Variants in EMSY observed in about 807,000 individuals in gnomAD.
The protein encoded by EMSY is BRCA2-interacting transcriptional repressor EMSY.
Under a neutral mutation model 134.6 loss-of-function variants are expected in EMSY, and 26 were observed. That is an observed-to-expected ratio of 0.19 (90% confidence interval 0.14 to 0.27). The LOEUF (loss-of-function observed/expected upper bound fraction) is 0.27. EMSY is among the 10% of genes least tolerant of loss of function. The pLI is 1.00. For synonymous variants in EMSY, 579 were observed against 577.8 expected (o/e 1.00, Z -0.03); for missense variants, 1,305 against 1,611.4 (o/e 0.81, Z 3.26).
intron 9 of EMSY, among the ~76,000 whole-genome samples, chr11:76,506,928 T>C (rs984293651): frequency 1.3e-5 from 2 of 152,164 alleles, no homozygotes; most frequent in African/African-American, 4.8e-5. Flanking sequence ...AAAGAAAGAC[T>C]GGAAACAACC....
exon 6 of EMSY, chr11:76,460,037 G>GCCT (rs1210800307): frequency 1.9e-6 from 3 of 1,614,162 alleles, no homozygotes; most frequent in Non-Finnish European, 2.5e-6. Context: ...TGCCAGTCCT[G>GCCT]CCTCCAATGT....
chr11:76,472,676 C>A, exon 8 of EMSY: 4 of 1,614,162 alleles, frequency 2.5e-6, no homozygotes, highest in Non-Finnish European at 3.4e-6. Flanking sequence ...ATTGCTTCTA[C>A]AACCCAGAAG....
chr11:76,523,869 A>G (rs1950747094), intron 12 of EMSY, among the ~76,000 whole-genome samples: 1 of 151,122 alleles, frequency 6.6e-6, no homozygotes, highest in Non-Finnish European at 1.5e-5. Context: ...ACAAAGCAAG[A>G]CCCCCACCTC....
intron 9 of EMSY, among the ~76,000 whole-genome samples, chr11:76,509,266 G>C (rs949063036): frequency 6.6e-6 from 1 of 152,174 alleles, no homozygotes; most frequent in African/African-American, 2.4e-5. Context: ...GCCAAGGAGT[G>C]CAGATCACCG....
At chr11:76,490,476 A>C (rs1949373913) in intron 8 of EMSY, among the ~76,000 whole-genome samples, 1 of 152,244 alleles carries the variant, frequency 6.6e-6, no homozygotes, top group African/African-American at 2.4e-5. Context: ...CTAGCTTTAG[A>C]GCTTACAGTA....
intron 1 of EMSY, among the ~76,000 whole-genome samples, chr11:76,445,471 G>A (rs1167686207): frequency 6.6e-6 from 1 of 152,202 alleles, no homozygotes; most frequent in African/African-American, 2.4e-5. Context: ...GAGGGGCTTG[G>A]GTCGTGGACT....
intron 9 of EMSY, among the ~76,000 whole-genome samples, chr11:76,513,153 TTTTC>T (rs1409648141): frequency 1.3e-5 from 2 of 152,170 alleles, no homozygotes; most frequent in Non-Finnish European, 2.9e-5. Flanking sequence ...AAAGATTTGT[TTTTC>T]TTTATGAAGT....
chr11:76,493,414 G>A (rs1298143537), intron 8 of EMSY, among the ~76,000 whole-genome samples: 2 of 152,170 alleles, frequency 1.3e-5, no homozygotes, highest in Non-Finnish European at 2.9e-5. Context: ...TCCCGGTGAG[G>A]TCCCACCCTC....
intron 11 of EMSY, among the ~76,000 whole-genome samples, chr11:76,518,858 T>TTGTGTGTGTGTGTG (rs10691630): frequency 7.0e-6 from 1 of 143,094 alleles, no homozygotes; most frequent in Admixed American, 7.0e-5. Flanking sequence ...ATAGGCTGTC[T>TTGTGTGTGTGTGTG]TGTGTGTGTG....
Position 76,446,334 on chromosome 11 carries a change from T to C in EMSY, c.-39-566T>C, listed in dbSNP as rs551313161. On this transcript the variant is annotated intron_variant, in intron 1 of 20. Coordinates refer to ENST00000334736, the Ensembl canonical transcript of EMSY. Reference sequence around the variant, plus strand: ...ATATGTGTGTGTGTGTATATATATATGTATATATATATGTGTATATATATA... The same window carrying C: ...ATATGTGTGTGTGTGTATATATATACGTATATATATATGTGTATATATATA... Among the ~76,000 whole-genome samples, 8 of 53,106 alleles carry C rather than the reference T, an allele frequency of 1.5e-4. No individual in the cohort carries two copies. In the East Asian group the frequency reaches 3.7e-3, roughly 25 times the overall value. 34.8% of individuals were successfully genotyped at this position (53,106 alleles called of 152,430 possible).
Position 76,514,875 on chromosome 11 carries a change from A to G in EMSY, c.1514-1267A>G, listed in dbSNP as rs1176225436. The stretch of plus-strand genomic sequence containing the variant: ...ACTTCCCCTAAACTTTTCTAAATAG[A>G]TAACAGTGTTATGCATATATGATTC... On this transcript the variant is annotated intron_variant, in intron 10 of 20. Transcript: ENST00000334736. 3.3e-5 allele frequency among the ~76,000 whole-genome samples: 5 copies of G among 152,178 alleles called. No homozygotes were observed. The East Asian group carries it at 9.6e-4, about 29-fold the overall frequency.
At chr11:76,468,072 C>T (rs11606394) in intron 7 of EMSY, among the ~76,000 whole-genome samples, 61,081 of 151,460 alleles carry the variant, frequency 0.4, 12,697 homozygotes, top group South Asian at 0.51. Flanking sequence ...CAGTCTTCTT[C>T]GGTGGACTTA....
intron 8 of EMSY, among the ~76,000 whole-genome samples, chr11:76,488,702 G>T (rs574172693): frequency 2.0e-5 from 3 of 152,280 alleles, no homozygotes; most frequent in South Asian, 2.1e-4. Flanking sequence ...AAAACCAGAA[G>T]TCCAGAAGGG....
chr11:76,534,322 A>G (rs1351671266), intron 14 of EMSY, among the ~76,000 whole-genome samples: 1 of 152,156 alleles, frequency 6.6e-6, no homozygotes, highest in Non-Finnish European at 1.5e-5. Flanking sequence ...TAAATTCTAC[A>G]TATCTACTTA....
intron 13 of EMSY, among the ~76,000 whole-genome samples, chr11:76,526,903 A>G (rs981538532): frequency 2.0e-5 from 3 of 152,140 alleles, no homozygotes; most frequent in African/African-American, 4.8e-5. Context: ...CTGAAGGTGT[A>G]TTTTGTGATT....
At chr11:76,524,263 A>C (rs981594387) in intron 12 of EMSY, among the ~76,000 whole-genome samples, 1 of 152,096 alleles carries the variant, frequency 6.6e-6, no homozygotes, top group Non-Finnish European at 1.5e-5. Context: ...ACTGGTAGCT[A>C]TTGTGAAAGT....
intron 8 of EMSY, among the ~76,000 whole-genome samples, chr11:76,492,730 C>G (rs1949471781): frequency 6.6e-6 from 1 of 152,150 alleles, no homozygotes; most frequent in South Asian, 2.1e-4. Flanking sequence ...AGGAGCCCCG[C>G]CCTCCTGGGT....
At chr11:76,453,172 T>C (rs1441529803) in intron 3 of EMSY, 142 bp from the exon 4 acceptor site, 1 of 565,062 alleles carries the variant, frequency 1.8e-6, no homozygotes, top group Non-Finnish European at 3.1e-6. Context: ...TGAAGATATA[T>C]ATATTAGACT....
intron 8 of EMSY, among the ~76,000 whole-genome samples, chr11:76,476,809 G>A (rs1186266680): frequency 1.1e-4 from 16 of 152,230 alleles, no homozygotes; most frequent in Non-Finnish European, 1.6e-4. Flanking sequence ...GTGAAAAATG[G>A]TGTTTAGATA....
Sources: gnomAD v4.1 joint callset for allele counts (sites outside exome capture counted in the v4.1 genomes callset) on GRCh38, gnomAD v4.1.1 for gene constraint, MANE v1.5 for transcripts, NCBI Gene and HGNC (gene_info 2026-07-23, HGNC 2026-07-21) for gene names.